Variants in RABGEF1 observed in about 807,000 individuals in gnomAD.
The protein encoded by RABGEF1 is RAB guanine nucleotide exchange factor 1, also known as rab5 GDP/GTP exchange factor.
Under a neutral mutation model 57.3 loss-of-function variants are expected in RABGEF1, and 26 were observed. That is an observed-to-expected ratio of 0.45 (90% CI 0.33 to 0.63). RABGEF1 has a LOEUF of 0.63. Among genes scored for constraint, RABGEF1 ranks in the 20% least tolerant of loss-of-function variants. The pLI is 0.02. For synonymous variants in RABGEF1, 185 were observed against 210.7 expected (o/e 0.88, Z 1.06); for missense variants, 464 against 607.6 (o/e 0.76, Z 2.48).
At chr7:66,664,491 G>A in the RABGEF1 span, among the ~76,000 whole-genome samples, 5 of 151,936 alleles carry the variant, frequency 3.3e-5, no homozygotes, top group Non-Finnish European at 5.9e-5. Context: ...TACTCAGGAG[G>A]CTGAGGTGGG....
chr7:66,686,360 G>A (rs1006330072), intron 1 of RABGEF1, among the ~76,000 whole-genome samples: 1 of 151,932 alleles, frequency 6.6e-6, no homozygotes, highest in Non-Finnish European at 1.5e-5. Flanking sequence ...TAATACCAGT[G>A]CTTTCGGAGG....
chr7:66,704,187 C>CT (rs1380842100), intron 1 of RABGEF1, among the ~76,000 whole-genome samples: 9 of 152,358 alleles, frequency 5.9e-5, no homozygotes, highest in African/African-American at 2.2e-4. Flanking sequence ...ACAGCCACCT[C>CT]TAAGGTTGAC....
chr7:66,660,530 T>C, the RABGEF1 span, among the ~76,000 whole-genome samples: 3 of 149,130 alleles, frequency 2.0e-5, no homozygotes, highest in African/African-American at 7.4e-5. Context: ...AGAAAAAATA[T>C]GGGTAAACCA....
chr7:66,713,504 A>T (rs904481866), intron 2 of RABGEF1, among the ~76,000 whole-genome samples: 1 of 152,116 alleles, frequency 6.6e-6, no homozygotes, highest in African/African-American at 2.4e-5. Flanking sequence ...TTCTATCTGT[A>T]TGCTCTTTAT....
chr7:66,705,645 TCTAC>T (rs1793948867), intron 1 of RABGEF1, among the ~76,000 whole-genome samples: 1 of 152,100 alleles, frequency 6.6e-6, no homozygotes, highest in Non-Finnish European at 1.5e-5. Flanking sequence ...GAAAATTATA[TCTAC>T]CTTTTTTATG....
intron 1 of RABGEF1, among the ~76,000 whole-genome samples, chr7:66,744,260 T>C (rs1799676379): frequency 6.6e-6 from 1 of 151,226 alleles, no homozygotes; most frequent in Admixed American, 6.6e-5. Context: ...ATGTTTGAAA[T>C]GGTGGCTCAC....
At chr7:66,755,868 G>C in intron 1 of RABGEF1, 1 of 498,396 alleles carries the variant, frequency 2.0e-6, no homozygotes, top group Non-Finnish European at 3.5e-6. Context: ...TGTATTCCAG[G>C]GAGTTGATTA....
In RABGEF1 at chr7:66,809,199, A is replaced by G. The variant is rs1789142787; in HGVS notation, c.1391A>G (p.Asn464Ser). 6.2e-7 allele frequency: 1 copy of G among 1,614,206 alleles called. No homozygotes were observed. The highest frequency in any genetic ancestry group is 8.5e-7 in the Non-Finnish European group (1 of 1,180,028). The change falls in exon 9 of 9, where the codon AAT becomes AGT. Residue 464 changes from asparagine (N) to serine (S), a missense_variant. Asn to Ser is a conservative substitution (Grantham distance 46, BLOSUM62 1). This residue lies in a region of RABGEF1 where 151 missense variants were observed against 152.2 expected (regional missense o/e 0.99). Coordinates refer to ENST00000284957, the MANE Select transcript of RABGEF1 (RefSeq NM_014504.3). ...EKYPLEIKPP[N>S]QPLAAIDSEN... ...TACCCACTGGAAATTAAGCCTCCGA[A>G]TCAACCGTTAGCAGCTATTGACTCT... is the stretch of plus-strand genomic sequence containing the variant.
chr7:66,809,108 C>G lies in RABGEF1; in HGVS notation c.1300C>G (p.Leu434Val). The G allele has an allele frequency of 6.2e-7, 1 of 1,614,134 alleles. No homozygotes were observed. The highest frequency in any genetic ancestry group is 8.5e-7 in the Non-Finnish European group (1 of 1,180,002). Residue 434 changes from leucine (L) to valine (V), a missense_variant, in exon 9 of 9, where the codon CTG (leucine) becomes GTG (valine). Transcript: ENST00000284957. ...QERIMNEAKKLEKDLIDWTDG... is the reference protein window; with the variant it reads ...QERIMNEAKKVEKDLIDWTDG... ...AAGGATCATGAATGAAGCCAAGAAACTGGAAAAAGACCTCATAGATTGGAC... is the reference window on the plus strand; with the variant it reads ...AAGGATCATGAATGAAGCCAAGAAAGTGGAAAAAGACCTCATAGATTGGAC...
intron 2 of RABGEF1, among the ~76,000 whole-genome samples, chr7:66,715,378 A>G (rs556556645): frequency 2.7e-4 from 41 of 152,088 alleles, no homozygotes; most frequent in African/African-American, 9.6e-4. Context: ...CAATCCTTTC[A>G]CCTTGGCCTC....
chr7:66,747,370 A>G (rs1427429510), intron 1 of RABGEF1, among the ~76,000 whole-genome samples: 1 of 152,182 alleles, frequency 6.6e-6, no homozygotes, highest in Non-Finnish European at 1.5e-5. Context: ...TTTCACCCTA[A>G]GGAATGGTTT....
chr7:66,794,949 T>G (rs1562868766), intron 4 of RABGEF1, among the ~76,000 whole-genome samples: 1 of 152,232 alleles, frequency 6.6e-6, no homozygotes, highest in Non-Finnish European at 1.5e-5. Flanking sequence ...AAACATGCAT[T>G]AAATCTATTT....
chr7:66,743,191 T>C (rs912065069), intron 1 of RABGEF1, among the ~76,000 whole-genome samples: 9 of 152,062 alleles, frequency 5.9e-5, no homozygotes, highest in African/African-American at 2.2e-4. Context: ...GCCGTAATGC[T>C]AGCTACTCAG....
intron 1 of RABGEF1, among the ~76,000 whole-genome samples, chr7:66,686,280 CAAA>C (rs1435924070): frequency 5.3e-5 from 5 of 94,222 alleles, no homozygotes; most frequent in Admixed American, 1.1e-4. Flanking sequence ...GACTCTGTCT[CAAA>C]AAAAAAAAAA....
intron 2 of RABGEF1, among the ~76,000 whole-genome samples, chr7:66,717,013 A>C (rs1795484381): frequency 6.6e-6 from 1 of 152,216 alleles, no homozygotes; most frequent in Non-Finnish European, 1.5e-5. Flanking sequence ...TCCTGGCCTC[A>C]GGTGATCCGC....
intron 3 of RABGEF1, among the ~76,000 whole-genome samples, chr7:66,780,614 CCTCT>C (rs1809667208): frequency 1.3e-5 from 2 of 152,244 alleles, no homozygotes; most frequent in Admixed American, 1.3e-4. Flanking sequence ...TTAAAAATCA[CCTCT>C]CTGTCAATTA....
intron 1 of RABGEF1, among the ~76,000 whole-genome samples, chr7:66,703,667 A>G (rs1450185529): frequency 6.6e-6 from 1 of 151,852 alleles, no homozygotes; most frequent in African/African-American, 2.4e-5. Context: ...GTCTGTCCTT[A>G]TGGCAGTATC....
the RABGEF1 span, among the ~76,000 whole-genome samples, chr7:66,670,894 TACACAC>T: frequency 3.9e-4 from 57 of 145,672 alleles, no homozygotes; most frequent in African/African-American, 6.3e-4. Context: ...CACATACGTA[TACACAC>T]ACACACACAC....
intron 1 of RABGEF1, among the ~76,000 whole-genome samples, chr7:66,696,192 A>G (rs150584765): frequency 0.022 from 3,346 of 152,168 alleles, 56 homozygotes; most frequent in Middle Eastern, 0.041. Flanking sequence ...CTGGCCCCCA[A>G]GTAGCTGGGA....
Sources: gnomAD v4.1 joint callset for allele counts (sites outside exome capture counted in the v4.1 genomes callset) on GRCh38, gnomAD v4.1.1 for gene constraint, gnomAD v4.1.1 regional missense constraint, MANE v1.5 for transcripts, NCBI Gene and HGNC (gene_info 2026-07-23, HGNC 2026-07-21) for gene names.